Variants in REEP5 observed in about 807,000 individuals in gnomAD.
REEP5 encodes receptor expression-enhancing protein 5.
Under a neutral mutation model 22.4 loss-of-function variants are expected in REEP5, and 24 were observed. The observed-to-expected ratio is 1.07, with a 90% CI of 0.78 to 1.51. REEP5 has a LOEUF of 1.51. Among genes scored for constraint, REEP5 ranks in the 40% most tolerant of loss-of-function variants. The pLI is 0.00. For synonymous variants in REEP5, 103 were observed against 88.6 expected, an observed-to-expected ratio of 1.16 and a Z score of -0.92; for missense variants, 252 against 233.0, an observed-to-expected ratio of 1.08 and a Z score of -0.53.
intron 3 of REEP5, chr5:112,895,149 G>C (rs1229608919): frequency 1.4e-5 from 2 of 145,394 alleles, no homozygotes; most frequent in African/African-American, 5.1e-5. Flanking sequence ...TGAGGCAGGA[G>C]AATCACTGGA....
chr5:112,887,448 G>C (rs1325238911), intron 3 of REEP5, among the ~76,000 whole-genome samples: 5 of 152,102 alleles, frequency 3.3e-5, no homozygotes, highest in African/African-American at 1.2e-4. Flanking sequence ...TTCCTAACTT[G>C]GACCACGTTT....
intron 2 of REEP5, among the ~76,000 whole-genome samples, chr5:112,918,275 G>A (rs1186030880): frequency 6.6e-6 from 1 of 152,136 alleles, no homozygotes; most frequent in African/African-American, 2.4e-5. Context: ...TATACAATAA[G>A]GTACTGGTTG....
chr5:112,876,613 T>C lies in REEP5; in HGVS notation c.*2173A>G, dbSNP rs1160825093. 1.3e-5 allele frequency: 2 copies of C among 152,234 alleles called. No homozygotes were observed. Among genetic ancestry groups the C allele is most frequent in the African/African-American group, 4.8e-5 (2 of 41,464 alleles). The allele number at this position is 152,234 out of a possible 1,614,324, so 9.4% of individuals were successfully genotyped here. A position where few individuals can be genotyped will look rare whatever the true frequency, so the allele number is the denominator to read the frequency against. ...AATTTAAGCTGTTTGGTAGGAATTC[T>C]GTAACTACATACCTTTGAAACACTA... On this transcript the variant is annotated 3_prime_UTR_variant, in exon 5 of 5. Coordinates refer to ENST00000379638, the MANE Select transcript of REEP5 (RefSeq NM_005669.5).
chr5:112,894,527 G>T (rs377070958), intron 3 of REEP5: 1 of 152,224 alleles, frequency 6.6e-6, no homozygotes. Flanking sequence ...TGCAGGAAAT[G>T]TCTTGAGTAA....
chr5:112,909,270 A>C (rs1769037975), intron 2 of REEP5, among the ~76,000 whole-genome samples: 1 of 149,196 alleles, frequency 6.7e-6, no homozygotes, highest in Admixed American at 6.8e-5. Context: ...GTTGTTGTGA[A>C]GATTAAAGTA....
At chr5:112,906,468 C>T (rs1207128977) in intron 2 of REEP5, among the ~76,000 whole-genome samples, 1 of 152,184 alleles carries the variant, frequency 6.6e-6, no homozygotes, top group Admixed American at 6.5e-5. Context: ...AGGTCACAAT[C>T]TTACTTTTGG....
intron 2 of REEP5, among the ~76,000 whole-genome samples, chr5:112,915,042 T>C (rs1262760091): frequency 6.6e-6 from 1 of 152,250 alleles, no homozygotes; most frequent in African/African-American, 2.4e-5. Context: ...CTTAACATGT[T>C]ATATTTGTAT....
chr5:112,891,654 G>GA, intron 3 of REEP5: 1 of 1,610,120 alleles, frequency 6.2e-7, no homozygotes, highest in Non-Finnish European at 8.5e-7. Context: ...CTGCACTTGA[G>GA]AAGATGACGT....
Position 112,878,409 on chromosome 5 carries a change from C to A in REEP5, c.*377G>T. ...AATTGTACATTACAGGAAGTAGAACCATAAAGATTATCCTAAATGTAACTA... is the reference window on the plus strand; with the variant it reads ...AATTGTACATTACAGGAAGTAGAACAATAAAGATTATCCTAAATGTAACTA... On this transcript the variant is annotated 3_prime_UTR_variant, in exon 5 of 5. Coordinates refer to ENST00000379638, the MANE Select transcript of REEP5 (RefSeq NM_005669.5). The A allele has an allele frequency of 5.1e-6, 1 of 195,790 alleles. No individual in the cohort carries two copies. Among genetic ancestry groups the A allele is most frequent in the Non-Finnish European group, 1.0e-5 (1 of 95,886 alleles). 12.1% of individuals were successfully genotyped at this position (195,790 alleles called of 1,614,324 possible).
intron 3 of REEP5, among the ~76,000 whole-genome samples, chr5:112,887,664 C>T (rs547763444): frequency 1.3e-5 from 2 of 152,224 alleles, no homozygotes; most frequent in Non-Finnish European, 2.9e-5. Flanking sequence ...TGAATTCTTC[C>T]TTTGGTGGAC....
chr5:112,888,007 A>G (rs1221827853), intron 3 of REEP5, among the ~76,000 whole-genome samples: 3 of 152,260 alleles, frequency 2.0e-5, no homozygotes, highest in African/African-American at 7.2e-5. Flanking sequence ...TTAATAAACA[A>G]TATACTGAGT....
At chr5:112,901,819 C>T (rs1458107819) in intron 3 of REEP5, among the ~76,000 whole-genome samples, 2 of 151,488 alleles carry the variant, frequency 1.3e-5, no homozygotes, top group East Asian at 1.9e-4. Flanking sequence ...AAAAATTAGC[C>T]AAGCATGGTG....
At chr5:112,883,139 T>C (rs1048038068) in intron 4 of REEP5, among the ~76,000 whole-genome samples, 1 of 152,264 alleles carries the variant, frequency 6.6e-6, no homozygotes, top group Admixed American at 6.5e-5. Context: ...AAAAAAACTT[T>C]TAAAATTTCA....
At chr5:112,893,346 G>T (rs1438176300) in intron 3 of REEP5, 1 of 227,228 alleles carries the variant, frequency 4.4e-6, no homozygotes, top group Non-Finnish European at 8.8e-6. Context: ...GAAGGCGGAG[G>T]TTGCAGTGAG....
chr5:112,889,977 C>A (rs146563653), intron 3 of REEP5, among the ~76,000 whole-genome samples: 1,755 of 150,396 alleles, frequency 0.012, 41 homozygotes, highest in Middle Eastern at 0.041. Context: ...CAGGCAAACA[C>A]CACCATGCCC....
intron 3 of REEP5, among the ~76,000 whole-genome samples, chr5:112,902,128 G>A (rs1286852898): frequency 1.3e-5 from 2 of 151,484 alleles, no homozygotes; most frequent in African/African-American, 4.9e-5. Context: ...AGATAAAATT[G>A]TTTAAAAGAG....
At chr5:112,881,451 A>G (rs1486277976) in intron 4 of REEP5, among the ~76,000 whole-genome samples, 1 of 152,170 alleles carries the variant, frequency 6.6e-6, no homozygotes, top group Non-Finnish European at 1.5e-5. Flanking sequence ...CTCAAGACCC[A>G]TCACTGGCAA....
At chr5:112,916,648 T>A (rs1247125700) in intron 2 of REEP5, among the ~76,000 whole-genome samples, 2 of 152,230 alleles carry the variant, frequency 1.3e-5, no homozygotes, top group Non-Finnish European at 2.9e-5. Context: ...CTACATTTTT[T>A]AATTTTCATC....
chr5:112,891,502 A>T lies in REEP5; in HGVS notation c.352-4319T>A. ...AAAATGAAAGTAATTTGTAATATAT[A>T]TAAGTATGCAAACAAAACAATACTA... On this transcript the variant is annotated intron_variant, in intron 3 of 4. Coordinates refer to ENST00000379638, the MANE Select transcript of REEP5 (RefSeq NM_005669.5). 2.5e-6 allele frequency: 3 copies of T among 1,183,280 alleles called. No individual in the cohort carries two copies. The East Asian group carries it at 8.1e-5, about 32-fold the overall frequency. The allele number at this position is 1,183,280 out of a possible 1,614,324, so 73.3% of individuals were successfully genotyped here.
Sources: gnomAD v4.1 joint callset for allele counts (sites outside exome capture counted in the v4.1 genomes callset) on GRCh38, gnomAD v4.1.1 for gene constraint, MANE v1.5 for transcripts, NCBI Gene and HGNC (gene_info 2026-07-23, HGNC 2026-07-21) for gene names.